THSD4: variants seen among roughly 807,000 people sequenced by gnomAD.
THSD4 encodes the protein thrombospondin type-1 domain-containing protein 4.
A neutral mutation model predicts 119.0 loss-of-function variants in THSD4; 69 were observed. That is an observed-to-expected ratio of 0.58 (90% confidence interval 0.48 to 0.71). The LOEUF (loss-of-function observed/expected upper bound fraction) is 0.71, where lower values mean the gene tolerates loss of function less well. Ranked by LOEUF, THSD4 falls within the 30% of genes least tolerant of loss-of-function variation. The pLI, the probability that THSD4 is intolerant of heterozygous loss-of-function variation, is 0.00. For synonymous variants in THSD4, 524 were observed against 540.4 expected, an observed-to-expected ratio of 0.97 and a Z score of 0.42; for missense variants, 1,393 against 1,391.1, an observed-to-expected ratio of 1.00 and a Z score of -0.02.
intron 14 of THSD4, among the ~76,000 whole-genome samples, chr15:71,750,823 G>A (rs1180069431): frequency 6.6e-6 from 1 of 152,136 alleles, no homozygotes; most frequent in African/African-American, 2.4e-5. Context: ...CTAGTTCTTC[G>A]GTGTATCCCT....
intron 6 of THSD4, among the ~76,000 whole-genome samples, chr15:71,332,051 G>A (rs2140374525): frequency 6.6e-6 from 1 of 152,266 alleles, no homozygotes; most frequent in South Asian, 2.1e-4. Context: ...TGTAGGGAAG[G>A]GTCCTAGATT....
intron 3 of THSD4, among the ~76,000 whole-genome samples, chr15:71,173,280 GA>G (rs1304400435): frequency 2.0e-5 from 3 of 151,778 alleles, no homozygotes; most frequent in Non-Finnish European, 4.4e-5. Flanking sequence ...CAGTAGCATT[GA>G]AAAAAATAAA....
Position 71,323,894 on chromosome 15 carries a change from A to T in THSD4, c.1015+67179A>T, listed in dbSNP as rs543452688. ...TGGTTTCCATGTTTTCCAGTGATAT[A>T]AATGTATCATTCTGTGTGTGTGTGT... On this transcript the variant is annotated intron_variant, in intron 6 of 17. Transcript: ENST00000261862. 1.3e-3 allele frequency among the ~76,000 whole-genome samples: 196 copies of T among 152,292 alleles called. 2 individuals carry two copies. The highest frequency in any genetic ancestry group is 5.9e-3 in the Admixed American group (90 of 15,294).
At chr15:71,688,449 C>A (rs1183676776) in intron 8 of THSD4, among the ~76,000 whole-genome samples, 1 of 152,152 alleles carries the variant, frequency 6.6e-6, no homozygotes, top group South Asian at 2.1e-4. Flanking sequence ...CCATTTGATT[C>A]ATAAAAATGA....
chr15:71,515,354 T>A (rs1246925041), intron 7 of THSD4, among the ~76,000 whole-genome samples: 1 of 152,192 alleles, frequency 6.6e-6, no homozygotes, highest in Non-Finnish European at 1.5e-5. Context: ...TTTAAAAATG[T>A]TAATTTGAAA....
At chr15:71,172,145 G>A (rs1240277673) in intron 3 of THSD4, 1 of 151,990 alleles carries the variant, frequency 6.6e-6, no homozygotes, top group East Asian at 1.9e-4. Context: ...GGCCAACATA[G>A]CAAAACCCGT....
Position 71,466,848 on chromosome 15 carries a change from C to T in THSD4, c.1152+55025C>T, listed in dbSNP as rs16955667. 5.3e-3 allele frequency among the ~76,000 whole-genome samples: 801 copies of T among 152,360 alleles called. 4 individuals are homozygous for T. Among genetic ancestry groups the T allele is most frequent in the African/African-American group, 0.018 (766 of 41,586 alleles). On this transcript the variant is annotated intron_variant, in intron 7 of 17. Transcript: ENST00000261862. The stretch of plus-strand genomic sequence containing the variant: ...CCCTCATGCCCCATCCAGCCCCTTT[C>T]TAGCTACACTGGACTGGGCCTGAGC...
chr15:71,467,795 C>G (rs2047520360), intron 7 of THSD4, among the ~76,000 whole-genome samples: 1 of 149,882 alleles, frequency 6.7e-6, no homozygotes, highest in Admixed American at 6.6e-5. Flanking sequence ...AGGGGCGGGT[C>G]TTTCTCATGC....
chr15:71,226,927 G>GT (rs369409397), intron 4 of THSD4, among the ~76,000 whole-genome samples: 41 of 151,486 alleles, frequency 2.7e-4, no homozygotes, highest in African/African-American at 3.4e-4. Context: ...ATTTTTGTGT[G>GT]TTTTTTTTTA....
Position 71,765,208 on chromosome 15 carries a change from T to C in THSD4, c.2769+9T>C. 6.2e-7 allele frequency: 1 copy of C among 1,612,530 alleles called. No homozygotes were observed. Among genetic ancestry groups the C allele is most frequent in the Non-Finnish European group, 8.5e-7 (1 of 1,179,060 alleles). On this transcript the variant is annotated intron_variant, in intron 16 of 17. Coordinates refer to ENST00000261862, the MANE Select transcript of THSD4 (RefSeq NM_024817.3). Reference sequence around the variant, plus strand: ...GCACCGAATGGAGCATGGTAAGTCATGGTGCTCTTGATGGAGGTTGCATTG... The same window carrying C: ...GCACCGAATGGAGCATGGTAAGTCACGGTGCTCTTGATGGAGGTTGCATTG...
At chr15:71,760,943 C>T (rs2053617656) in intron 15 of THSD4, among the ~76,000 whole-genome samples, 1 of 152,116 alleles carries the variant, frequency 6.6e-6, no homozygotes, top group African/African-American at 2.4e-5. Flanking sequence ...TCATCAATTT[C>T]TTAATTTTCA....
At chr15:71,633,468 T>C (rs1478363728) in intron 7 of THSD4, among the ~76,000 whole-genome samples, 3 of 151,930 alleles carry the variant, frequency 2.0e-5, no homozygotes, top group Non-Finnish European at 4.4e-5. Flanking sequence ...AGAGATGGAG[T>C]TTTGCCATGT....
At chr15:71,243,469 C>T (rs2044172370) in intron 5 of THSD4, among the ~76,000 whole-genome samples, 1 of 152,080 alleles carries the variant, frequency 6.6e-6, no homozygotes, top group African/African-American at 2.4e-5. Context: ...TCTGCTATTC[C>T]AGGTGTAAAC....
chr15:71,124,553 A>G (rs11633442), intron 1 of THSD4, among the ~76,000 whole-genome samples: 4,068 of 152,302 alleles, frequency 0.027, 80 homozygotes, highest in Middle Eastern at 0.045. Flanking sequence ...AAAAATGCTT[A>G]ATTCACAAGT....
At chr15:71,616,523 G>A (rs549384617) in intron 7 of THSD4, among the ~76,000 whole-genome samples, 83 of 152,342 alleles carry the variant, frequency 5.4e-4, no homozygotes, top group African/African-American at 2.0e-3. Flanking sequence ...AGAACAGGTA[G>A]AGGCAGACAA....
chr15:71,233,848 A>G (rs1260269214), intron 4 of THSD4, among the ~76,000 whole-genome samples: 1 of 152,216 alleles, frequency 6.6e-6, no homozygotes, highest in Non-Finnish European at 1.5e-5. Context: ...ACTTCGTGTT[A>G]AGCATGATCA....
chr15:71,162,263 G>T (rs672274), intron 3 of THSD4, among the ~76,000 whole-genome samples: 150,323 of 152,148 alleles, frequency 0.99, 74,299 homozygotes, highest in East Asian at 1. Flanking sequence ...TTATTGTCTT[G>T]CTGTTTCCAG....
At chr15:71,610,951 A>C (rs1437361264) in intron 7 of THSD4, among the ~76,000 whole-genome samples, 1 of 151,598 alleles carries the variant, frequency 6.6e-6, no homozygotes, top group East Asian at 1.9e-4. Context: ...AGATGTGTGC[A>C]TATGTGTATG....
intron 7 of THSD4, among the ~76,000 whole-genome samples, chr15:71,545,764 T>C (rs2048827803): frequency 1.3e-5 from 2 of 152,160 alleles, no homozygotes; most frequent in African/African-American, 4.8e-5. Context: ...GATATTATCC[T>C]CACTATACCT....
Sources: allele counts gnomAD v4.1 joint callset (sites outside exome capture counted in the v4.1 genomes callset), GRCh38; gene constraint gnomAD v4.1.1; transcripts MANE v1.5; gene names NCBI Gene and HGNC (gene_info 2026-07-23, HGNC 2026-07-21).